Variants in ALG10B observed in about 807,000 individuals in gnomAD.
ALG10B encodes ALG10 alpha-1,2-glucosyltransferase B.
In ALG10B, 27 loss-of-function variants were observed where a neutral mutation model predicts 38.7. The observed-to-expected ratio is 0.70, with a 90% CI of 0.51 to 0.96. The LOEUF is 0.96. Ranked by LOEUF, ALG10B falls within the 40% of genes least tolerant of loss-of-function variation. The pLI is 0.00. For missense variants in ALG10B, 522 were observed against 542.7 expected, an observed-to-expected ratio of 0.96 and a Z score of 0.38; for synonymous variants, 177 against 193.3, an observed-to-expected ratio of 0.92 and a Z score of 0.70.
Position 38,323,666 on chromosome 12 carries a change from T to G in ALG10B, c.*2453T>G. The G allele has an allele frequency of 2.2e-6, 1 of 456,096 alleles. No homozygotes were observed. The highest frequency in any genetic ancestry group is 3.4e-5 in the East Asian group (1 of 29,276). The allele number at this position is 456,096 out of a possible 1,614,324, so 28.3% of individuals were successfully genotyped here. ...ATTTGAGTAATAAATGCAGGCCATT[T>G]TTTGGTTGTACTCTAGTACTCAGAA... On this transcript the variant is annotated 3_prime_UTR_variant, in exon 3 of 3. Coordinates refer to ENST00000308742, the MANE Select transcript of ALG10B (RefSeq NM_001013620.4).
intron 1 of ALG10B, chr12:38,317,682 A>G (rs1334919510): frequency 5.7e-6 from 1 of 174,994 alleles, no homozygotes; most frequent in Non-Finnish European, 1.2e-5. Flanking sequence ...GGTACTGGCT[A>G]GAAATATAAA....
intron 2 of ALG10B, among the ~76,000 whole-genome samples, chr12:38,319,419 C>T (rs114173257): frequency 0.02 from 2,975 of 152,186 alleles, 101 homozygotes; most frequent in African/African-American, 0.068. Flanking sequence ...CATGAATGCC[C>T]TCATATGTCA....
rs1330895084 is a variant in ALG10B at position 38,320,612 on chromosome 12, T to C, written c.821T>C (p.Ile274Thr). Reference sequence around the variant, plus strand: ...GCTTTTGTAGTAGTTAATGGTGGAATTGTTATTGGCGATCGGAGTAGTCAT... The same window carrying C: ...GCTTTTGTAGTAGTTAATGGTGGAACTGTTATTGGCGATCGGAGTAGTCAT... Reference protein sequence around the residue: ...FCAFVVVNGGIVIGDRSSHEA... With the variant: ...FCAFVVVNGGTVIGDRSSHEA... The change falls in exon 3 of 3, where the codon ATT becomes ACT. Residue 274 changes from isoleucine (I) to threonine (T), a missense_variant. Physicochemically the swap from Ile to Thr is moderately conservative, Grantham distance 89. Transcript: ENST00000308742. The C allele has an allele frequency of 1.9e-6, 3 of 1,614,110 alleles. No homozygotes were observed. The highest frequency in any genetic ancestry group is 2.2e-5 in the East Asian group (1 of 44,870).
At position 38,325,654 on chromosome 12, in the gene ALG10B, G is replaced by C. The variant is rs1240946656; in HGVS notation, c.*4441G>C. 6.6e-6 allele frequency: 1 copy of C among 152,052 alleles called. No homozygotes were observed. The highest frequency in any genetic ancestry group is 2.4e-5 in the African/African-American group (1 of 41,418). The allele number at this position is 152,052 out of a possible 1,614,324, so 9.4% of individuals were successfully genotyped here. ...AAATGGAAATTGAAATATGACTTAGGAACTGTGGGCTTGTAGAAAAAAACA... is the reference window on the plus strand; with the variant it reads ...AAATGGAAATTGAAATATGACTTAGCAACTGTGGGCTTGTAGAAAAAAACA... On this transcript the variant is annotated 3_prime_UTR_variant, in exon 3 of 3. Transcript: ENST00000308742.
rs1185081615 is a variant in ALG10B, at chr12:38,325,395, A to G, written c.*4182A>G. The G allele has an allele frequency of 1.3e-5, 2 of 152,130 alleles. No individual in the cohort carries two copies. The highest frequency in any genetic ancestry group is 3.8e-4 in the East Asian group (2 of 5,198). The allele number at this position is 152,130 out of a possible 1,614,324, so 9.4% of individuals were successfully genotyped here. On this transcript the variant is annotated 3_prime_UTR_variant, in exon 3 of 3. Coordinates refer to ENST00000308742, the MANE Select transcript of ALG10B (RefSeq NM_001013620.4). ...CTTAATTGCCACTTGGCTTGATATT[A>G]TTTTCCTTAGAATTGTTGGAAGAGA... is the stretch of plus-strand genomic sequence containing the variant.
Position 38,321,107 on chromosome 12 carries a change from G to A in ALG10B, c.1316G>A (p.Cys439Tyr). 6.2e-7 allele frequency: 1 copy of A among 1,613,806 alleles called. No homozygotes were observed. The change falls in exon 3 of 3, where the codon TGT becomes TAT. Residue 439 changes from cysteine to tyrosine, a missense_variant. Transcript: ENST00000308742. ...ITLPPTSRLV[C>Y]ELSCYAIVNF... ...CTGCCTCCCACATCCAGACTTGTTTGTGAACTGAGTTGCTATGCAATTGTT... is the reference window on the plus strand; with the variant it reads ...CTGCCTCCCACATCCAGACTTGTTTATGAACTGAGTTGCTATGCAATTGTT...
chr12:38,321,201 G>C lies in ALG10B; in HGVS notation c.1410G>C (p.Arg470Ser). 6.2e-7 allele frequency: 1 copy of C among 1,610,966 alleles called. No homozygotes were observed. The highest frequency in any genetic ancestry group is 8.5e-7 in the Non-Finnish European group (1 of 1,178,512). ...GGCCAAATAGTCAGGACATTCAAAGGTTTATGTGGTAATATCAGTGATATT... is the reference window on the plus strand; with the variant it reads ...GGCCAAATAGTCAGGACATTCAAAGCTTTATGTGGTAATATCAGTGATATT... ...FQWPNSQDIQ[R>S]FMW is the part of the protein sequence containing the mutation. Residue 470 changes from arginine (R) to serine (S), a missense_variant, in exon 3 of 3, where the codon AGG (arginine) becomes AGC (serine). Physicochemically the swap from Arg to Ser is moderately radical, Grantham distance 110. Transcript: ENST00000308742.
chr12:38,318,521 A>T (rs1945676388), intron 2 of ALG10B, 63 bp downstream of exon 2: 1 of 1,471,986 alleles, frequency 6.8e-7, no homozygotes, highest in South Asian at 1.1e-5. Context: ...ACAATGAATT[A>T]GTTTTATGAG....
chr12:38,320,094 T>G (rs1945687564), intron 2 of ALG10B, 67 bp from the exon 3 acceptor site: 1 of 1,585,044 alleles, frequency 6.3e-7, no homozygotes, highest in Non-Finnish European at 8.7e-7. Flanking sequence ...ATAAATCTCT[T>G]CATTAGGTAA....
chr12:38,324,132 A>G lies in ALG10B; in HGVS notation c.*2919A>G, dbSNP rs547349823. The G allele has an allele frequency of 5.3e-5, 28 of 529,746 alleles. No individual in the cohort carries two copies. Among genetic ancestry groups the G allele is most frequent in the Non-Finnish European group, 9.0e-5 (27 of 298,610 alleles). The allele number at this position is 529,746 out of a possible 1,614,324, so 32.8% of individuals were successfully genotyped here. ...ACTGAAACCTCCACCTCCTGGGTTCAAGCAGTTCTCCTGCCTCAGCCTCCC... is the reference window on the plus strand; with the variant it reads ...ACTGAAACCTCCACCTCCTGGGTTCGAGCAGTTCTCCTGCCTCAGCCTCCC... On this transcript the variant is annotated 3_prime_UTR_variant, in exon 3 of 3. Transcript: ENST00000308742.
intron 2 of ALG10B, 111 bp downstream of exon 2, chr12:38,318,569 T>C: frequency 7.9e-7 from 1 of 1,259,726 alleles, no homozygotes; most frequent in South Asian, 1.3e-5. Context: ...TGTAACTTTG[T>C]ATTTTTTGTA....
In ALG10B at chr12:38,327,843, C is replaced by A. The variant is rs1415923077; in HGVS notation, c.*6630C>A. ...TATAATTTTGTTGTAAGATAAATGA[C>A]TAAAATTATGTGGGATATTTAATTT... is the stretch of plus-strand genomic sequence containing the variant. On this transcript the variant is annotated 3_prime_UTR_variant, in exon 3 of 3. Transcript: ENST00000308742. 1.3e-5 allele frequency: 2 copies of A among 152,044 alleles called. No homozygotes were observed. The highest frequency in any genetic ancestry group is 6.6e-5 in the Admixed American group (1 of 15,262). 9.4% of individuals were successfully genotyped at this position (152,044 alleles called of 1,614,324 possible). A position where few individuals can be genotyped will look rare whatever the true frequency, so the allele number is the denominator to read the frequency against.
chr12:38,317,850 G>A (rs1185714685), intron 1 of ALG10B: 2 of 289,514 alleles, frequency 6.9e-6, no homozygotes, highest in Non-Finnish European at 1.3e-5. Flanking sequence ...CAATACAGAG[G>A]GTTTGGCACA....
rs1389636944 is a variant in ALG10B at position 38,327,895 on chromosome 12, T to G, written c.*6682T>G. ...GATAAGTGGAAATTCTATCACTTGA[T>G]AAGCTCTCTTGAAGAATAATTATTT... On this transcript the variant is annotated 3_prime_UTR_variant, in exon 3 of 3. Transcript: ENST00000308742. 3 of 152,246 alleles carry G rather than the reference T, an allele frequency of 2.0e-5. No individual in the cohort carries two copies. The highest frequency in any genetic ancestry group is 4.4e-5 in the Non-Finnish European group (3 of 68,036). The allele number at this position is 152,246 out of a possible 1,614,324, so 9.4% of individuals were successfully genotyped here.
rs770519389 is a variant in ALG10B at position 38,320,243 on chromosome 12, A to T, written c.452A>T (p.Tyr151Phe). 1.2e-5 allele frequency: 19 copies of T among 1,613,976 alleles called. No homozygotes were observed. The East Asian group carries it at 4.2e-4, about 36-fold the overall frequency. The change falls in exon 3 of 3, where the codon TAT (tyrosine) becomes TTT (phenylalanine). Residue 151 changes from tyrosine (Y) to phenylalanine (F), a missense_variant. Transcript: ENST00000308742. ...PTLYFFNFLY[Y>F]TEAGSMFFTL... ...CTTTATTTTTTTAACTTCCTTTATTATACAGAAGCAGGATCTATGTTTTTT... is the reference window on the plus strand; with the variant it reads ...CTTTATTTTTTTAACTTCCTTTATTTTACAGAAGCAGGATCTATGTTTTTT...
Position 38,328,914 on chromosome 12 carries a change from C to T in ALG10B, c.*7701C>T, listed in dbSNP as rs139019764. On this transcript the variant is annotated 3_prime_UTR_variant, in exon 3 of 3. Transcript: ENST00000308742. ...TACCCATGTTAGTCTCATAACAACT[C>T]TATGAGATCAGTACCGTACACATGG... 136 of 304,634 alleles carry T rather than the reference C, an allele frequency of 4.5e-4. No homozygotes were observed. In the Middle Eastern group the frequency reaches 5.4e-3, roughly 12 times the overall value. The allele number at this position is 304,634 out of a possible 1,614,324, so 18.9% of individuals were successfully genotyped here. A position where few individuals can be genotyped will look rare whatever the true frequency, so the allele number is the denominator to read the frequency against.
rs1387281801 is a variant in ALG10B, at chr12:38,326,450, A to G, written c.*5237A>G. 1.3e-5 allele frequency: 2 copies of G among 150,122 alleles called. No individual in the cohort carries two copies. Among genetic ancestry groups the G allele is most frequent in the Non-Finnish European group, 3.0e-5 (2 of 67,708 alleles). 9.3% of individuals were successfully genotyped at this position (150,122 alleles called of 1,614,324 possible). On this transcript the variant is annotated 3_prime_UTR_variant, in exon 3 of 3. Transcript: ENST00000308742. Reference sequence around the variant, plus strand: ...TAACTTTCAACCATTAAAAGGTTATAACACTTTAAAGGAAAGTTTCTTATT... The same window carrying G: ...TAACTTTCAACCATTAAAAGGTTATGACACTTTAAAGGAAAGTTTCTTATT...
At position 38,323,797 on chromosome 12, in the gene ALG10B, A is replaced by G. The variant is rs1945721316; in HGVS notation, c.*2584A>G. Reference sequence around the variant, plus strand: ...CACTCAAAGAAATTATACTTTTGTCATTAATTTACTATAGTGGAGAACTAA... The same window carrying G: ...CACTCAAAGAAATTATACTTTTGTCGTTAATTTACTATAGTGGAGAACTAA... On this transcript the variant is annotated 3_prime_UTR_variant, in exon 3 of 3. Transcript: ENST00000308742. The G allele has an allele frequency of 1.5e-6, 1 of 661,196 alleles. No homozygotes were observed. The highest frequency in any genetic ancestry group is 2.7e-6 in the Non-Finnish European group (1 of 370,264). The allele number at this position is 661,196 out of a possible 1,614,324, so 41.0% of individuals were successfully genotyped here. A position where few individuals can be genotyped will look rare whatever the true frequency, so the allele number is the denominator to read the frequency against.
rs1284729648 is a variant in ALG10B at position 38,328,625 on chromosome 12, C to A, written c.*7412C>A. On this transcript the variant is annotated 3_prime_UTR_variant, in exon 3 of 3. Transcript: ENST00000308742. ...CACAAAGATTTATAATCATTTATAT[C>A]TATTTATCTAATGTTATTCAAATGT... 2 of 152,138 alleles carry A rather than the reference C, an allele frequency of 1.3e-5. No homozygotes were observed. Among genetic ancestry groups the A allele is most frequent in the South Asian group, 2.1e-4 (1 of 4,826 alleles). The allele number at this position is 152,138 out of a possible 1,614,324, so 9.4% of individuals were successfully genotyped here.
Sources: allele counts gnomAD v4.1 joint callset (sites outside exome capture counted in the v4.1 genomes callset), GRCh38; gene constraint gnomAD v4.1.1; transcripts MANE v1.5; gene names NCBI Gene and HGNC (gene_info 2026-07-23, HGNC 2026-07-21).